Variants in TBC1D12 observed in about 807,000 individuals in gnomAD.
TBC1D12 encodes the protein TBC1 domain family, member 12.
TBC1D12 carries 56 observed loss-of-function variants against 86.7 expected under a neutral mutation model. The ratio of observed to expected loss-of-function variants is 0.65; its 90% CI spans 0.52 to 0.81. The LOEUF (loss-of-function observed/expected upper bound fraction) is 0.81, where lower values mean the gene tolerates loss of function less well. Among genes scored for constraint, TBC1D12 ranks in the 30% least tolerant of loss-of-function variants. The pLI is 0.00. For synonymous variants in TBC1D12, 421 were observed against 411.7 expected (o/e 1.02, Z -0.27); for missense variants, 1,023 against 1,038.8 (o/e 0.98, Z 0.21).
intron 9 of TBC1D12, among the ~76,000 whole-genome samples, chr10:94,514,699 G>A (rs1280618389): frequency 6.6e-6 from 1 of 151,946 alleles, no homozygotes; most frequent in Admixed American, 6.6e-5. Flanking sequence ...CCTTAACTTG[G>A]CTATTTTGAG....
chr10:94,514,051 A>AC (rs1491230141), intron 9 of TBC1D12, among the ~76,000 whole-genome samples: 2 of 51,268 alleles, frequency 3.9e-5, no homozygotes, highest in African/African-American at 1.3e-4. Flanking sequence ...AAAAAAAAAC[A>AC]AAAAAAAAAA....
At chr10:94,517,893 C>T (rs1319386634) in intron 9 of TBC1D12, among the ~76,000 whole-genome samples, 1 of 152,162 alleles carries the variant, frequency 6.6e-6, no homozygotes, top group East Asian at 1.9e-4. Context: ...TGGCTAATGC[C>T]TGTAATCCCA....
chr10:94,522,249 T>A (rs1842171789), intron 10 of TBC1D12, 95 bp from the exon 11 acceptor site: 1 of 1,103,456 alleles, frequency 9.1e-7, no homozygotes. Flanking sequence ...GATGAGATTC[T>A]TAATGAGCAC....
rs1423147299 is a variant in TBC1D12, at chr10:94,531,774, GTTATTTTATT to G, written c.2259+319_2259+328del. Reference sequence around the variant, plus strand: ...GTTATTTTATTTTATTTTATTTTATGTTATTTTATTTTATGTTATTTTATTTTATGTTATT... The same window carrying G: ...GTTATTTTATTTTATTTTATTTTATGTTATGTTATTTTATTTTATGTTATT... On this transcript the variant is annotated intron_variant, in intron 12 of 12. Transcript: ENST00000225235. Among the ~76,000 whole-genome samples, 351 of 101,326 alleles carry G rather than the reference GTTATTTTATT, an allele frequency of 3.5e-3. 5 individuals carry two copies. The highest frequency in any genetic ancestry group is 0.013 in the African/African-American group (332 of 26,078). 66.5% of individuals were successfully genotyped at this position (101,326 alleles called of 152,430 possible). A position where few individuals can be genotyped will look rare whatever the true frequency, so the allele number is the denominator to read the frequency against.
chr10:94,507,382 T>C, intron 7 of TBC1D12, 35 bp downstream of exon 7: 2 of 1,548,088 alleles, frequency 1.3e-6, no homozygotes, highest in Non-Finnish European at 1.8e-6. Context: ...AATTTTAGGA[T>C]GAAAATTCAG....
chr10:94,479,947 A>T (rs1337674360), intron 3 of TBC1D12, among the ~76,000 whole-genome samples: 1 of 152,162 alleles, frequency 6.6e-6, no homozygotes, highest in African/African-American at 2.4e-5. Flanking sequence ...ATTGAGAAAA[A>T]ACTTCATTTT....
chr10:94,436,310 A>G (rs1040186124), intron 1 of TBC1D12, among the ~76,000 whole-genome samples: 1 of 151,604 alleles, frequency 6.6e-6, no homozygotes, highest in African/African-American at 2.4e-5. Flanking sequence ...TAATTTTTGT[A>G]TTTTTAGTAG....
Position 94,522,021 on chromosome 10 carries a change from G to A in TBC1D12, c.1828G>A (p.Ala610Thr). 6.2e-7 allele frequency: 1 copy of A among 1,612,356 alleles called. No homozygotes were observed. Among genetic ancestry groups the A allele is most frequent in the Non-Finnish European group, 8.5e-7 (1 of 1,178,918 alleles). ...TTTGGAAGAGGCAGATGCCTTTATC[G>A]CATTTGCCAATCTCCTGAATAAGCC... ...LNLEEADAFI[A>T]FANLLNKPCQ... Residue 610 changes from alanine to threonine, a missense_variant, in exon 10 of 13, where the codon GCA becomes ACA. Around this residue, in one of 2 missense-constraint regions of TBC1D12, gnomAD observed 395 missense variants for 507.7 expected, o/e 0.78. Transcript: ENST00000225235.
intron 1 of TBC1D12, among the ~76,000 whole-genome samples, chr10:94,440,592 G>C (rs1051749407): frequency 1.3e-4 from 20 of 152,050 alleles, no homozygotes; most frequent in Non-Finnish European, 2.5e-4. Flanking sequence ...TATTGATACG[G>C]CATTTTGAGT....
intron 9 of TBC1D12, among the ~76,000 whole-genome samples, chr10:94,518,760 A>G (rs1842067049): frequency 6.6e-6 from 1 of 152,222 alleles, no homozygotes; most frequent in South Asian, 2.1e-4. Flanking sequence ...TGAATGAGCT[A>G]TAAATAGTTT....
intron 1 of TBC1D12, among the ~76,000 whole-genome samples, chr10:94,425,688 C>T (rs1359149094): frequency 6.6e-6 from 1 of 152,034 alleles, no homozygotes; most frequent in African/African-American, 2.4e-5. Flanking sequence ...TATTTTATTT[C>T]CTTTGGCTTT....
chr10:94,459,573 G>A (rs564756434), intron 2 of TBC1D12, among the ~76,000 whole-genome samples: 73 of 152,336 alleles, frequency 4.8e-4, no homozygotes, highest in Non-Finnish European at 7.8e-4. Context: ...GGCTCGGGCC[G>A]CGCAGGAGCC....
intron 1 of TBC1D12, among the ~76,000 whole-genome samples, chr10:94,427,487 T>C (rs991739042): frequency 1.3e-5 from 2 of 152,180 alleles, no homozygotes; most frequent in African/African-American, 2.4e-5. Context: ...AATTACTTTT[T>C]TCTTTTATCA....
rs2054791788 is a variant in TBC1D12 at position 94,403,055 on chromosome 10, G to C, written c.442G>C (p.Asp148His). 6.5e-7 allele frequency: 1 copy of C among 1,543,774 alleles called. No individual in the cohort carries two copies. Among genetic ancestry groups the C allele is most frequent in the African/African-American group, 1.4e-5 (1 of 69,896 alleles). ...TTTTCTGCCGGGCCGGGACTGTCGC[G>C]ATCTGGAAGAGGCTCGCGGGCTGGC... The part of the protein sequence containing the change: ...SGFLPGRDCR[D>H]LEEARGLARA... Residue 148 changes from aspartate (D) to histidine (H), a missense_variant, in exon 1 of 13, where the codon GAT becomes CAT. Asp to His is a moderately conservative substitution (Grantham distance 81). This residue lies in a region of TBC1D12 where 628 missense variants were observed against 531.1 expected (regional missense o/e 1.18). Transcript: ENST00000225235.
chr10:94,507,416 G>A (rs2134200577), intron 7 of TBC1D12, 69 bp downstream of exon 7: 1 of 1,328,674 alleles, frequency 7.5e-7, no homozygotes, highest in East Asian at 2.4e-5. Context: ...ATCAGAAGCT[G>A]TAGTAATCGC....
chr10:94,421,163 C>T (rs1055542232), intron 1 of TBC1D12, among the ~76,000 whole-genome samples: 1 of 152,134 alleles, frequency 6.6e-6, no homozygotes, highest in Admixed American at 6.6e-5. Context: ...TCTCCTCCAC[C>T]CACCTCCACC....
intron 5 of TBC1D12, among the ~76,000 whole-genome samples, chr10:94,499,249 G>A (rs937334042): frequency 6.6e-6 from 1 of 152,046 alleles, no homozygotes; most frequent in Admixed American, 6.6e-5. Flanking sequence ...TATGTAATAG[G>A]TCACTAACAC....
intron 2 of TBC1D12, among the ~76,000 whole-genome samples, chr10:94,465,198 T>C (rs1285794208): frequency 6.6e-6 from 1 of 152,212 alleles, no homozygotes; most frequent in African/African-American, 2.4e-5. Flanking sequence ...TTATGCATGG[T>C]TTTATAATAT....
intron 2 of TBC1D12, among the ~76,000 whole-genome samples, chr10:94,467,553 G>A (rs1029544305): frequency 3.9e-5 from 6 of 151,954 alleles, no homozygotes; most frequent in Non-Finnish European, 8.8e-5. Flanking sequence ...CTTTTGTCAC[G>A]CAGAATGTTA....
Sources: gnomAD v4.1 joint callset for allele counts (sites outside exome capture counted in the v4.1 genomes callset) on GRCh38, gnomAD v4.1.1 for gene constraint, gnomAD v4.1.1 regional missense constraint, MANE v1.5 for transcripts, NCBI Gene and HGNC (gene_info 2026-07-23, HGNC 2026-07-21) for gene names.